The following TNPO1 variants were observed in gnomAD, a reference collection of about 807,000 sequenced individuals.
TNPO1 encodes transportin-1.
A neutral mutation model predicts 119.5 loss-of-function variants in TNPO1; 8 were observed. That is an observed-to-expected ratio of 0.07 (90% CI 0.04 to 0.12). The LOEUF is 0.12. TNPO1 is among the 10% of genes least tolerant of loss of function. The probability of loss-of-function intolerance (pLI) is 1.00; values close to 1 mark genes in which losing one functional copy is unlikely to be tolerated. For missense variants in TNPO1, 576 were observed against 1,089.8 expected, an observed-to-expected ratio of 0.53 and a Z score of 6.64; for synonymous variants, 362 against 363.0, an observed-to-expected ratio of 1.00 and a Z score of 0.03.
chr5:72,901,188 A>C (rs1042997302), intron 22 of TNPO1, 115 bp downstream of exon 22: 2 of 612,776 alleles, frequency 3.3e-6, no homozygotes, highest in Admixed American at 7.4e-5. Context: ...ATCAAAATAC[A>C]GTTAAACCTT....
rs1209997140 is a variant in TNPO1 at position 72,913,194 on chromosome 5, A to G, written c.*4521A>G. The G allele has an allele frequency of 6.6e-6, 1 of 152,486 alleles. No homozygotes were observed. Among genetic ancestry groups the G allele is most frequent in the Non-Finnish European group, 1.5e-5 (1 of 67,918 alleles). The allele number at this position is 152,486 out of a possible 1,614,324, so 9.4% of individuals were successfully genotyped here. ...ACCAACTTAGTGCATTTTATACTGT[A>G]TTAAATATGGAGATACTTCTAATGC... On this transcript the variant is annotated 3_prime_UTR_variant, in exon 25 of 25. Coordinates refer to ENST00000337273, the MANE Select transcript of TNPO1 (RefSeq NM_002270.4).
intron 1 of TNPO1, among the ~76,000 whole-genome samples, chr5:72,834,741 G>A (rs1016821033): frequency 3.3e-5 from 5 of 152,322 alleles, no homozygotes; most frequent in Middle Eastern, 3.4e-3. Flanking sequence ...GTAGTGTACA[G>A]TATTGTCCTA....
chr5:72,914,090 C>G lies in TNPO1; in HGVS notation c.*5417C>G. 1 of 152,620 alleles carries G rather than the reference C, an allele frequency of 6.6e-6. No homozygotes were observed. Among genetic ancestry groups the G allele is most frequent in the East Asian group, 1.9e-4 (1 of 5,196 alleles). 9.5% of individuals were successfully genotyped at this position (152,620 alleles called of 1,614,324 possible). On this transcript the variant is annotated 3_prime_UTR_variant, in exon 25 of 25. Transcript: ENST00000337273. ...TCTGATGTTTCCTGTACCTGCCACA[C>G]TATGTTAGAATGTGTCCTTCAAACA...
chr5:72,892,300 C>T (rs1341273704), intron 15 of TNPO1, among the ~76,000 whole-genome samples: 1 of 151,652 alleles, frequency 6.6e-6, no homozygotes, highest in African/African-American at 2.4e-5. Flanking sequence ...TTTAACACCC[C>T]TTTCATTGCA....
intron 1 of TNPO1, 73 bp from the exon 2 acceptor site, chr5:72,848,312 C>A: frequency 7.0e-7 from 1 of 1,434,300 alleles, no homozygotes; most frequent in South Asian, 1.5e-5. Flanking sequence ...CAGCTGCGCG[C>A]GGGAAGCCTC....
At chr5:72,831,151 A>G (rs1045967469) in intron 1 of TNPO1, among the ~76,000 whole-genome samples, 4 of 152,094 alleles carry the variant, frequency 2.6e-5, no homozygotes, top group Non-Finnish European at 5.9e-5. Flanking sequence ...TTTTTTACTT[A>G]ACATATTTTA....
chr5:72,848,064 C>A, intron 1 of TNPO1: 1 of 1,077,182 alleles, frequency 9.3e-7, no homozygotes. Flanking sequence ...CTGCGTGGCA[C>A]TAGGACCCAG....
intron 1 of TNPO1, among the ~76,000 whole-genome samples, chr5:72,826,469 T>C (rs1693564460): frequency 6.6e-6 from 1 of 152,320 alleles, no homozygotes; most frequent in Middle Eastern, 3.4e-3. Flanking sequence ...TTATTCTGTT[T>C]ATTGTCCTCC....
chr5:72,826,962 G>A (rs577974436), intron 1 of TNPO1, among the ~76,000 whole-genome samples: 2 of 152,008 alleles, frequency 1.3e-5, no homozygotes, highest in Non-Finnish European at 2.9e-5. Context: ...TTTTAATGAA[G>A]AGATGAGAAA....
intron 8 of TNPO1, 72 bp from the exon 9 acceptor site, chr5:72,877,156 G>A: frequency 9.8e-6 from 7 of 713,424 alleles, no homozygotes; most frequent in Non-Finnish European, 1.6e-5. Flanking sequence ...AAGCTTGCTT[G>A]ATAATAGGAC....
intron 9 of TNPO1, chr5:72,878,452 CAA>C (rs567685000): frequency 3.9e-5 from 5 of 128,464 alleles, no homozygotes; most frequent in Non-Finnish European, 5.1e-5. Flanking sequence ...TCTGGATAAG[CAA>C]AAAAAAAAAA....
intron 7 of TNPO1, among the ~76,000 whole-genome samples, chr5:72,872,946 A>G (rs1020670907): frequency 6.6e-6 from 1 of 152,120 alleles, no homozygotes; most frequent in Non-Finnish European, 1.5e-5. Flanking sequence ...GTATCATTCT[A>G]CAAACACTGA....
intron 1 of TNPO1, among the ~76,000 whole-genome samples, chr5:72,827,629 G>C (rs1167887111): frequency 6.6e-6 from 1 of 152,176 alleles, no homozygotes; most frequent in Non-Finnish European, 1.5e-5. Flanking sequence ...CTGAACAACT[G>C]AGTGAAAACT....
Position 72,888,091 on chromosome 5 carries a change from C to T in TNPO1, c.1317C>T (p.Gly439=). Residue 439 remains glycine, a synonymous_variant, in exon 13 of 25, where the codon GGC becomes GGT. Coordinates refer to ENST00000337273, the MANE Select transcript of TNPO1 (RefSeq NM_002270.4). ...LGAIAEGCMQ[G]MIPYLPELIP... is the part of the protein sequence containing the mutation. ...TTTTTTTTCTAGGTTGCATGCAGGGCATGATTCCATACTTGCCTGAGCTTA... is the reference window on the plus strand; with the variant it reads ...TTTTTTTTCTAGGTTGCATGCAGGGTATGATTCCATACTTGCCTGAGCTTA... The T allele has an allele frequency of 6.2e-7, 1 of 1,613,856 alleles. No homozygotes were observed. Among genetic ancestry groups the T allele is most frequent in the South Asian group, 1.1e-5 (1 of 91,040 alleles).
chr5:72,887,314 T>A lies in TNPO1; in HGVS notation c.1303+92T>A, dbSNP rs1030685139. On this transcript the variant is annotated intron_variant, in intron 12 of 24. Coordinates refer to ENST00000337273, the MANE Select transcript of TNPO1 (RefSeq NM_002270.4). ...AGGCTACTTTAAGGAATTTCTATTTTGAACCAGATAACTAGTATTAAACAG... is the reference window on the plus strand; with the variant it reads ...AGGCTACTTTAAGGAATTTCTATTTAGAACCAGATAACTAGTATTAAACAG... 14 of 1,350,664 alleles carry A rather than the reference T, an allele frequency of 1.0e-5. No individual in the cohort carries two copies. In the South Asian group the frequency reaches 1.5e-4, roughly 15 times the overall value. The allele number at this position is 1,350,664 out of a possible 1,614,324, so 83.7% of individuals were successfully genotyped here. A position where few individuals can be genotyped will look rare whatever the true frequency, so the allele number is the denominator to read the frequency against.
At chr5:72,861,468 C>T (rs1746442403) in intron 4 of TNPO1, among the ~76,000 whole-genome samples, 1 of 152,160 alleles carries the variant, frequency 6.6e-6, no homozygotes, top group South Asian at 2.1e-4. Flanking sequence ...GTCTCATAGT[C>T]ATGGCTCACT....
intron 3 of TNPO1, among the ~76,000 whole-genome samples, chr5:72,851,581 C>T (rs914125785): frequency 6.6e-6 from 1 of 152,122 alleles, no homozygotes; most frequent in Non-Finnish European, 1.5e-5. Context: ...CAATATCTGC[C>T]TCCCGGGTTC....
chr5:72,853,306 G>A (rs1269059933), intron 3 of TNPO1, among the ~76,000 whole-genome samples: 1 of 152,180 alleles, frequency 6.6e-6, no homozygotes, highest in African/African-American at 2.4e-5. Flanking sequence ...AGCTGGCATA[G>A]TGGCACACAC....
At position 72,848,487 on chromosome 5, in the gene TNPO1, A is replaced by G; in HGVS notation, c.118A>G (p.Thr40Ala). 6.2e-7 allele frequency: 1 copy of G among 1,600,946 alleles called. No homozygotes were observed. The highest frequency in any genetic ancestry group is 8.5e-7 in the Non-Finnish European group (1 of 1,173,228). ...SQSPDTTIQR[T>A]VQQKLEQLNQ... ...GTCCCCAGACACCACCATCCAGAGA[A>G]CCGTGCAACAAGTATCCTTTCCGAG... is the stretch of plus-strand genomic sequence containing the variant. The change falls in exon 2 of 25, where the codon ACC becomes GCC. Residue 40 changes from threonine (T) to alanine (A), a missense_variant. Coordinates refer to ENST00000337273, the MANE Select transcript of TNPO1 (RefSeq NM_002270.4).
Sources: allele counts gnomAD v4.1 joint callset (sites outside exome capture counted in the v4.1 genomes callset), GRCh38; gene constraint gnomAD v4.1.1; transcripts MANE v1.5; gene names NCBI Gene and HGNC (gene_info 2026-07-23, HGNC 2026-07-21).